Variants in IQCK observed in about 807,000 individuals in gnomAD.
The protein encoded by IQCK is IQ motif containing K.
IQCK carries 29 observed loss-of-function variants against 28.1 expected under a neutral mutation model. The ratio of observed to expected loss-of-function variants is 1.03; its 90% CI spans 0.77 to 1.41. The LOEUF (loss-of-function observed/expected upper bound fraction) is 1.41. Ranked by LOEUF, IQCK falls within the 40% of genes most tolerant of loss-of-function variation. The pLI, the probability that IQCK is intolerant of heterozygous loss-of-function variation, is 0.00. For synonymous variants in IQCK, 113 were observed against 115.1 expected, an observed-to-expected ratio of 0.98 and a Z score of 0.12; for missense variants, 359 against 314.7, an observed-to-expected ratio of 1.14 and a Z score of -1.07.
At chr16:19,827,189 T>C in exon 8 of IQCK, 1 of 1,307,602 alleles carries the variant, frequency 7.6e-7, no homozygotes, top group Non-Finnish European at 1.1e-6. Context: ...GCCTGATTCT[T>C]ATTCCAGGCT....
intron 4 of IQCK, chr16:19,761,484 G>T (rs1433090674): frequency 1.6e-5 from 7 of 448,788 alleles, no homozygotes; most frequent in Non-Finnish European, 3.1e-5. Context: ...ACACTTTGTA[G>T]CATCTTTCTT....
At chr16:19,783,685 T>C (rs2055524669) in intron 6 of IQCK, among the ~76,000 whole-genome samples, 1 of 152,180 alleles carries the variant, frequency 6.6e-6, no homozygotes, top group Non-Finnish European at 1.5e-5. Flanking sequence ...GAAGAGTAAG[T>C]CCTTTTCATT....
At chr16:19,722,606 T>G (rs1001671636) in intron 1 of IQCK, among the ~76,000 whole-genome samples, 8 of 152,178 alleles carry the variant, frequency 5.3e-5, no homozygotes, top group Non-Finnish European at 1.2e-4. Flanking sequence ...CTGGGAACTG[T>G]TTTCAATGCT....
chr16:19,770,494 T>A (rs1194325950), intron 6 of IQCK, among the ~76,000 whole-genome samples: 1 of 152,124 alleles, frequency 6.6e-6, no homozygotes, highest in Non-Finnish European at 1.5e-5. Flanking sequence ...GGAAAATGTT[T>A]CCCTGCCTTT....
At chr16:19,840,256 T>C (rs2056349756) in intron 9 of IQCK, among the ~76,000 whole-genome samples, 3 of 151,604 alleles carry the variant, frequency 2.0e-5, no homozygotes, top group African/African-American at 4.8e-5. Context: ...CTTAGAAGGC[T>C]GAAGCAGGAG....
intron 9 of IQCK, among the ~76,000 whole-genome samples, chr16:19,847,192 G>C (rs1384532480): frequency 6.6e-6 from 1 of 152,184 alleles, no homozygotes; most frequent in Non-Finnish European, 1.5e-5. Context: ...CCAGCATCTG[G>C]CTAGTGCAAA....
At chr16:19,850,524 C>T (rs1486832230) in intron 9 of IQCK, among the ~76,000 whole-genome samples, 1 of 152,054 alleles carries the variant, frequency 6.6e-6, no homozygotes, top group African/African-American at 2.4e-5. Flanking sequence ...GATTTGGGAG[C>T]GTGAGCCAGT....
chr16:19,845,817 G>A (rs2056409855), intron 9 of IQCK, among the ~76,000 whole-genome samples: 1 of 152,326 alleles, frequency 6.6e-6, no homozygotes, highest in African/African-American at 2.4e-5. Flanking sequence ...GCTCATGCCT[G>A]TAATCCCAGC....
chr16:19,751,240 C>CA (rs2054982333), intron 4 of IQCK, among the ~76,000 whole-genome samples: 2 of 152,084 alleles, frequency 1.3e-5, no homozygotes, highest in East Asian at 3.9e-4. Flanking sequence ...CACCCGTTAT[C>CA]CCAGCACTTT....
chr16:19,718,532 G>C (rs1278222426), intron 1 of IQCK, 45 bp downstream of exon 1: 1 of 1,493,754 alleles, frequency 6.7e-7, no homozygotes, highest in Non-Finnish European at 8.9e-7. Context: ...CCGGGCGGCC[G>C]GACGGGGGCC....
chr16:19,829,880 C>T (rs982389117), downstream of IQCK, among the ~76,000 whole-genome samples: 1 of 152,132 alleles, frequency 6.6e-6, no homozygotes, highest in African/African-American at 2.4e-5. Flanking sequence ...ATTGTCTTCC[C>T]CACTAGCATG....
intron 6 of IQCK, among the ~76,000 whole-genome samples, chr16:19,764,714 G>A (rs1314638919): frequency 7.0e-5 from 10 of 142,014 alleles, no homozygotes; most frequent in Admixed American, 1.4e-4. Flanking sequence ...TTTTTGAGAC[G>A]GAGTCTTGCT....
intron 9 of IQCK, among the ~76,000 whole-genome samples, chr16:19,837,378 G>A (rs1406095178): frequency 6.6e-6 from 1 of 152,116 alleles, no homozygotes; most frequent in Non-Finnish European, 1.5e-5. Flanking sequence ...TCCAGCATGG[G>A]CAACAGAATA....
intron 1 of IQCK, among the ~76,000 whole-genome samples, chr16:19,722,275 A>G (rs1209078039): frequency 1.3e-5 from 2 of 152,050 alleles, no homozygotes; most frequent in African/African-American, 4.8e-5. Flanking sequence ...GCTAACATCC[A>G]TCTGTACACG....
At chr16:19,725,815 T>G (rs1045243640) in intron 1 of IQCK, among the ~76,000 whole-genome samples, 4 of 152,240 alleles carry the variant, frequency 2.6e-5, no homozygotes, top group Non-Finnish European at 5.9e-5. Context: ...TACTTCATAC[T>G]TCTACATAAT....
intron 6 of IQCK, among the ~76,000 whole-genome samples, chr16:19,770,373 A>T (rs879615236): frequency 6.6e-6 from 1 of 152,182 alleles, no homozygotes; most frequent in Non-Finnish European, 1.5e-5. Flanking sequence ...TAGGTTTAAA[A>T]CAACACAAAT....
intron 2 of IQCK, among the ~76,000 whole-genome samples, chr16:19,732,151 C>T (rs2151681744): frequency 6.6e-6 from 1 of 152,104 alleles, no homozygotes; most frequent in South Asian, 2.1e-4. Flanking sequence ...GGATAGATCT[C>T]CACTCAGTCC....
intron 4 of IQCK, among the ~76,000 whole-genome samples, chr16:19,749,870 C>G (rs2054962842): frequency 6.6e-6 from 1 of 151,812 alleles, no homozygotes. Flanking sequence ...GGGAGGCAGT[C>G]TAGTATAAAG....
At chr16:19,804,415 A>ATG (rs2055806312) in intron 7 of IQCK, among the ~76,000 whole-genome samples, 1 of 151,336 alleles carries the variant, frequency 6.6e-6, no homozygotes, top group South Asian at 2.1e-4. Context: ...TGTTGTGTGT[A>ATG]TGTGTGTGTG....
Sources: allele counts gnomAD v4.1 joint callset (sites outside exome capture counted in the v4.1 genomes callset), GRCh38; gene constraint gnomAD v4.1.1; transcripts MANE v1.5; gene names NCBI Gene and HGNC (gene_info 2026-07-23, HGNC 2026-07-21).